Variants in EPG5 observed in about 807,000 individuals in gnomAD.
The protein encoded by EPG5 is ectopic P-granules 5 autophagy tethering factor, also known as ectopic P granules protein 5 homolog.
In EPG5, 159 loss-of-function variants were observed where a neutral mutation model predicts 302.7. That is an observed-to-expected ratio of 0.53 (90% CI 0.46 to 0.60). The LOEUF is 0.60. Ranked by LOEUF, EPG5 falls within the 20% of genes least tolerant of loss-of-function variation. The pLI, the probability that EPG5 is intolerant of heterozygous loss-of-function variation, is 0.00. For synonymous variants in EPG5, 1,158 were observed against 1,136.8 expected (o/e 1.02, Z -0.37); for missense variants, 2,896 against 3,092.4 (o/e 0.94, Z 1.51).
the EPG5 span, among the ~76,000 whole-genome samples, chr18:45,821,181 C>T: frequency 2.0e-5 from 3 of 152,180 alleles, no homozygotes; most frequent in East Asian, 5.8e-4. Context: ...ATCAGCTAAG[C>T]AGTATCTATG....
intron 36 of EPG5, among the ~76,000 whole-genome samples, chr18:45,869,353 T>A (rs558155235): frequency 6.6e-6 from 1 of 152,170 alleles, no homozygotes; most frequent in African/African-American, 2.4e-5. Context: ...CTGTTCTCTA[T>A]CCTCATCCTC....
the EPG5 span, among the ~76,000 whole-genome samples, chr18:45,818,654 A>G: frequency 1.3e-5 from 2 of 151,032 alleles, no homozygotes; most frequent in Non-Finnish European, 2.9e-5. Context: ...ACTAGTCCTT[A>G]TCTACCATAC....
At position 45,849,610 on chromosome 18, in the gene EPG5, A is replaced by T. The variant is rs561717585; in HGVS notation, c.*2857T>A. 2.0e-4 allele frequency: 30 copies of T among 152,358 alleles called. No homozygotes were observed. Among genetic ancestry groups the T allele is most frequent in the African/African-American group, 7.0e-4 (29 of 41,576 alleles). The allele number at this position is 152,358 out of a possible 1,614,324, so 9.4% of individuals were successfully genotyped here. On this transcript the variant is annotated 3_prime_UTR_variant, in exon 44 of 44. Transcript: ENST00000282041. ...CTGATTTTGATGATGAACTGAGAGG[A>T]ACCAGGAGGCCGTCACTTGGTTGAA... is the stretch of plus-strand genomic sequence containing the variant.
chr18:45,874,459 C>T (rs986721651), intron 35 of EPG5, among the ~76,000 whole-genome samples: 14 of 151,990 alleles, frequency 9.2e-5, no homozygotes, highest in Non-Finnish European at 1.8e-4. Flanking sequence ...GGGTAATTTA[C>T]AAAGAAAAAG....
intron 39 of EPG5, among the ~76,000 whole-genome samples, chr18:45,864,859 ATTTAACCT>A (rs1269537398): frequency 6.6e-6 from 1 of 152,230 alleles, no homozygotes; most frequent in Non-Finnish European, 1.5e-5. Context: ...CTGCATAAAC[ATTTAACCT>A]AACAACGAGG....
intron 29 of EPG5, among the ~76,000 whole-genome samples, chr18:45,885,354 AATG>A (rs1339696049): frequency 6.6e-6 from 1 of 152,078 alleles, no homozygotes; most frequent in Non-Finnish European, 1.5e-5. Flanking sequence ...AGAAAAAAAA[AATG>A]ATAAGTTAAC....
chr18:45,856,818 C>T (rs2048524489), intron 42 of EPG5, among the ~76,000 whole-genome samples: 2 of 152,228 alleles, frequency 1.3e-5, no homozygotes, highest in African/African-American at 4.8e-5. Context: ...TGAGAGAAAA[C>T]AGGAGCTAAT....
intron 42 of EPG5, 152 bp from the exon 43 acceptor site, chr18:45,855,839 A>G (rs1439717873): frequency 3.3e-6 from 2 of 610,060 alleles, no homozygotes; most frequent in Non-Finnish European, 5.9e-6. Flanking sequence ...AATATGATCA[A>G]GAAGAAGTTT....
chr18:45,878,490 T>A (rs1483821403), intron 33 of EPG5, 42 bp from the exon 34 acceptor site: 1 of 1,269,822 alleles, frequency 7.9e-7, no homozygotes, highest in Non-Finnish European at 1.1e-6. Context: ...TCATTTGTCA[T>A]TTGTCAATAT....
the EPG5 span, chr18:45,837,029 G>C: frequency 1.4e-6 from 2 of 1,405,020 alleles, no homozygotes; most frequent in Non-Finnish European, 2.0e-6. Flanking sequence ...TTATCTGTAG[G>C]CTCATTTGTG....
rs148157306 is a variant in EPG5 at position 45,864,942 on chromosome 18, C to T, written c.6766+673G>A. 9.7e-4 allele frequency among the ~76,000 whole-genome samples: 148 copies of T among 152,334 alleles called. 1 individual carries two copies. The highest frequency in any genetic ancestry group is 1.6e-3 in the Non-Finnish European group (112 of 68,032). ...GAGGTTTACTTCTAGCTTATCTTTA[C>T]AGTAAAAATGTCACCCTGTGGATTA... On this transcript the variant is annotated intron_variant, in intron 39 of 43. Coordinates refer to ENST00000282041, the MANE Select transcript of EPG5 (RefSeq NM_020964.3).
At position 45,916,550 on chromosome 18, in the gene EPG5, A is replaced by C. The variant is rs1436797065; in HGVS notation, c.3272T>G (p.Leu1091Trp). 6.2e-7 allele frequency: 1 copy of C among 1,609,206 alleles called. No individual in the cohort carries two copies. Residue 1091 changes from leucine to tryptophan, a missense_variant, in exon 18 of 44, where the codon TTG becomes TGG. Physicochemically the swap from Leu to Trp is moderately conservative, Grantham distance 61 (BLOSUM62 -2). Coordinates refer to ENST00000282041, the MANE Select transcript of EPG5 (RefSeq NM_020964.3). ...FLSHLLLFLH[L>W]DSGVPQGVTQ... ...GACACCCTGAGGGACACCGCTGTCC[A>C]AGTGTAGGAACAAGAGGAGATGCGA... is the stretch of plus-strand genomic sequence containing the variant.
downstream of EPG5, chr18:45,843,169 G>A (rs1299919130): frequency 6.6e-6 from 1 of 152,294 alleles, no homozygotes; most frequent in Non-Finnish European, 1.5e-5. Context: ...CGTGCGTAAA[G>A]CAGCTACAGC....
chr18:45,915,870 A>G (rs2050019428), intron 19 of EPG5, 139 bp downstream of exon 19: 1 of 842,086 alleles, frequency 1.2e-6, no homozygotes, highest in African/African-American at 1.7e-5. Context: ...GATTATCGGG[A>G]TAAGGTACCA....
chr18:45,948,773 C>A (rs954328001), intron 5 of EPG5, among the ~76,000 whole-genome samples, 197 bp from the exon 6 acceptor site: 3 of 152,148 alleles, frequency 2.0e-5, no homozygotes, highest in African/African-American at 7.2e-5. Context: ...GCAGAGGTAA[C>A]TGAGCAGTTT....
chr18:45,941,501 T>C (rs536768685), intron 9 of EPG5, among the ~76,000 whole-genome samples: 1 of 152,170 alleles, frequency 6.6e-6, no homozygotes, highest in South Asian at 2.1e-4. Context: ...GAAATTGTTC[T>C]GCAATTAGAA....
At chr18:45,843,653 T>A (rs534543), downstream of EPG5, 6 of 152,108 alleles carry the variant, frequency 3.9e-5, no homozygotes, top group African/African-American at 1.5e-4. Context: ...CCGAGGCAGG[T>A]GGATCACTTG....
intron 28 of EPG5, among the ~76,000 whole-genome samples, chr18:45,888,584 C>A (rs2049268461): frequency 6.6e-6 from 1 of 152,146 alleles, no homozygotes; most frequent in African/African-American, 2.4e-5. Flanking sequence ...GGATTGCAGG[C>A]ATGAGCCACC....
the EPG5 span, among the ~76,000 whole-genome samples, chr18:45,815,023 G>C: frequency 6.6e-6 from 1 of 152,134 alleles, no homozygotes; most frequent in Admixed American, 6.5e-5. Context: ...AGTGCTCTCA[G>C]GAGAGCCCTC....
Sources: gnomAD v4.1 joint callset for allele counts (sites outside exome capture counted in the v4.1 genomes callset) on GRCh38, gnomAD v4.1.1 for gene constraint, MANE v1.5 for transcripts, NCBI Gene and HGNC (gene_info 2026-07-23, HGNC 2026-07-21) for gene names.